The following CREB5 variants were observed in gnomAD, a reference collection of about 807,000 sequenced individuals.
The protein encoded by CREB5 is cyclic AMP-responsive element-binding protein 5.
A neutral mutation model predicts 57.1 loss-of-function variants in CREB5; 19 were observed. The observed-to-expected ratio is 0.33, with a 90% confidence interval of 0.23 to 0.49. The LOEUF (loss-of-function observed/expected upper bound fraction) is 0.49. Ranked by LOEUF, CREB5 falls within the 20% of genes least tolerant of loss-of-function variation. CREB5 has a pLI of 0.99. For missense variants in CREB5, 579 were observed against 671.6 expected (o/e 0.86, Z 1.52); for synonymous variants, 238 against 238.3 (o/e 1.00, Z 0.01).
intron 1 of CREB5, among the ~76,000 whole-genome samples, chr7:28,480,072 G>GA (rs1562745933): frequency 1.3e-5 from 2 of 151,370 alleles, no homozygotes; most frequent in African/African-American, 4.9e-5. Flanking sequence ...TGTGTGAAAA[G>GA]AAAACTAAGA....
At chr7:28,590,686 TAATA>T (rs201353348) in intron 5 of CREB5, among the ~76,000 whole-genome samples, 15,881 of 148,244 alleles carry the variant, frequency 0.11, 1,001 homozygotes, top group South Asian at 0.18. Flanking sequence ...ATAATAATAA[TAATA>T]ATAATAATAA....
intron 5 of CREB5, among the ~76,000 whole-genome samples, chr7:28,643,754 G>GT (rs1554279440): frequency 6.6e-5 from 6 of 91,516 alleles, no homozygotes; most frequent in South Asian, 4.2e-4. Context: ...TGGGAGGTGG[G>GT]GGGGGGCGGA....
chr7:28,372,566 T>C (rs1786729571), intron 1 of CREB5, among the ~76,000 whole-genome samples: 1 of 152,244 alleles, frequency 6.6e-6, no homozygotes, highest in African/African-American at 2.4e-5. Flanking sequence ...ATATTATTTA[T>C]GATGCTTATA....
chr7:28,442,885 C>A (rs1789258936), intron 1 of CREB5, among the ~76,000 whole-genome samples: 1 of 152,252 alleles, frequency 6.6e-6, no homozygotes, highest in African/African-American at 2.4e-5. Flanking sequence ...AGGGTAAATG[C>A]ATATGTAAAA....
intron 1 of CREB5, among the ~76,000 whole-genome samples, chr7:28,385,282 G>T (rs1787065165): frequency 6.6e-6 from 1 of 152,144 alleles, no homozygotes; most frequent in African/African-American, 2.4e-5. Flanking sequence ...AAAGAATCTT[G>T]CTCGTAGATA....
chr7:28,399,782 G>A (rs920547472), intron 1 of CREB5, among the ~76,000 whole-genome samples: 7 of 152,126 alleles, frequency 4.6e-5, no homozygotes, highest in South Asian at 2.1e-4. Context: ...ACAGCTGGGC[G>A]TGGTGGCTCA....
At chr7:28,523,356 T>C (rs1315519972) in intron 4 of CREB5, among the ~76,000 whole-genome samples, 1 of 152,248 alleles carries the variant, frequency 6.6e-6, no homozygotes, top group Admixed American at 6.5e-5. Context: ...ACTCCCATTA[T>C]GTTCTCCCAA....
intron 1 of CREB5, among the ~76,000 whole-genome samples, chr7:28,393,174 A>C (rs1787258106): frequency 6.6e-6 from 1 of 152,098 alleles, no homozygotes; most frequent in Admixed American, 6.6e-5. Flanking sequence ...TGATCCACCC[A>C]CCTTGACCTC....
chr7:28,412,443 A>G (rs1787836876), upstream of CREB5: 2 of 153,022 alleles, frequency 1.3e-5, no homozygotes, highest in African/African-American at 4.8e-5. Flanking sequence ...TGCTAACTAG[A>G]TGGCGCACTG....
intron 4 of CREB5, among the ~76,000 whole-genome samples, chr7:28,532,984 A>G (rs1793792068): frequency 6.6e-6 from 1 of 152,244 alleles, no homozygotes; most frequent in Non-Finnish European, 1.5e-5. Flanking sequence ...ATGACATAAA[A>G]TGTCCCACAG....
At chr7:28,526,499 T>C (rs950542860) in intron 4 of CREB5, among the ~76,000 whole-genome samples, 2 of 152,254 alleles carry the variant, frequency 1.3e-5, no homozygotes, top group African/African-American at 4.8e-5. Context: ...TACTTTGCCT[T>C]CTTTGGTGGC....
At chr7:28,506,306 A>T (rs192337057) in intron 3 of CREB5, among the ~76,000 whole-genome samples, 1 of 152,366 alleles carries the variant, frequency 6.6e-6, no homozygotes, top group East Asian at 1.9e-4. Context: ...GTTTCTTATA[A>T]TATAGGAATT....
chr7:28,796,939 C>A (rs926106422), intron 7 of CREB5, among the ~76,000 whole-genome samples: 1 of 152,274 alleles, frequency 6.6e-6, no homozygotes. Context: ...AAATGCTCAC[C>A]CTCCTGCTGA....
intron 7 of CREB5, among the ~76,000 whole-genome samples, chr7:28,755,252 A>G (rs1053122880): frequency 3.3e-5 from 5 of 152,216 alleles, no homozygotes; most frequent in African/African-American, 4.8e-5. Context: ...GAGGTCACTG[A>G]AGGAGGAACA....
chr7:28,703,707 A>G (rs1233524513), intron 5 of CREB5, among the ~76,000 whole-genome samples: 2 of 152,090 alleles, frequency 1.3e-5, no homozygotes, highest in Non-Finnish European at 2.9e-5. Flanking sequence ...ACCTTCCTCC[A>G]CCTTTTTCTT....
chr7:28,723,319 C>T (rs1039894123), intron 6 of CREB5, among the ~76,000 whole-genome samples: 1 of 152,158 alleles, frequency 6.6e-6, no homozygotes, highest in Non-Finnish European at 1.5e-5. Flanking sequence ...CAAACACACC[C>T]TTCCTGAATG....
chr7:28,491,144 A>T, intron 2 of CREB5: 1 of 893,154 alleles, frequency 1.1e-6, no homozygotes, highest in Non-Finnish European at 1.3e-6. Context: ...CAAGAGCACT[A>T]GGCAGTGACG....
intron 5 of CREB5, among the ~76,000 whole-genome samples, chr7:28,621,679 CCT>C (rs1193841160): frequency 6.6e-6 from 1 of 152,124 alleles, no homozygotes; most frequent in Non-Finnish European, 1.5e-5. Context: ...ATCTCACTCC[CCT>C]GAGTAGCAGA....
rs552776973 is a variant in CREB5, at chr7:28,463,751, T to C, written c.4-24424T>C. 1.1e-4 allele frequency among the ~76,000 whole-genome samples: 17 copies of C among 152,312 alleles called. 1 individual carries two copies. Among genetic ancestry groups the C allele is most frequent in the Admixed American group, 9.8e-4 (15 of 15,302 alleles). The stretch of plus-strand genomic sequence containing the variant: ...GGTGTATAGAAACACAATTGAGTTT[T>C]GTATATTACCTTGTATCCTACAAGG... On this transcript the variant is annotated intron_variant, in intron 1 of 10. Coordinates refer to ENST00000357727, the MANE Select transcript of CREB5 (RefSeq NM_182898.4).
Sources: gnomAD v4.1 joint callset for allele counts (sites outside exome capture counted in the v4.1 genomes callset) on GRCh38, gnomAD v4.1.1 for gene constraint, MANE v1.5 for transcripts, NCBI Gene and HGNC (gene_info 2026-07-23, HGNC 2026-07-21) for gene names.